HELLS: variants seen among roughly 807,000 people sequenced by gnomAD.
HELLS encodes helicase, lymphoid specific.
Under a neutral mutation model 120.0 loss-of-function variants are expected in HELLS, and 32 were observed. The ratio of observed to expected loss-of-function variants is 0.27; its 90% confidence interval spans 0.20 to 0.36. HELLS has a LOEUF of 0.36. Ranked by LOEUF, HELLS falls within the 10% of genes least tolerant of loss-of-function variation. The probability of loss-of-function intolerance (pLI) is 1.00; values close to 1 mark genes in which losing one functional copy is unlikely to be tolerated. For missense variants in HELLS, 650 were observed against 993.4 expected (o/e 0.65, Z 4.65); for synonymous variants, 341 against 323.4 (o/e 1.05, Z -0.58).
intron 3 of HELLS, among the ~76,000 whole-genome samples, chr10:94,557,614 T>G (rs891532622): frequency 2.0e-5 from 3 of 152,198 alleles, no homozygotes; most frequent in African/African-American, 7.2e-5. Context: ...TCCACCTGCT[T>G]CTTTCTGGTG....
At position 94,592,395 on chromosome 10, in the gene HELLS, G is replaced by A; in HGVS notation, c.1852G>A (p.Val618Met). 1 of 1,579,896 alleles carries A rather than the reference G, an allele frequency of 6.3e-7. No individual in the cohort carries two copies. The highest frequency in any genetic ancestry group is 8.6e-7 in the Non-Finnish European group (1 of 1,167,366). Reference protein sequence around the residue: ...LPELKKRGHKVLLFSQMTSML... With the variant: ...LPELKKRGHKMLLFSQMTSML... Reference sequence around the variant, plus strand: ...AATATTAAGATATGTTTAATTTCAGGTGCTGCTTTTTTCACAAATGACAAG... The same window carrying A: ...AATATTAAGATATGTTTAATTTCAGATGCTGCTTTTTTCACAAATGACAAG... The change falls in exon 17 of 22, where the codon GTG becomes ATG. Residue 618 changes from valine to methionine, a missense_variant and splice_region_variant. Val to Met is a conservative substitution (Grantham distance 21, BLOSUM62 1). Coordinates refer to ENST00000348459, the MANE Select transcript of HELLS (RefSeq NM_018063.5).
chr10:94,549,029 A>G (rs556600251), intron 2 of HELLS, among the ~76,000 whole-genome samples: 3 of 151,862 alleles, frequency 2.0e-5, no homozygotes, highest in Non-Finnish European at 4.4e-5. Context: ...CAATCTTAAT[A>G]TAAGTGTGTA....
chr10:94,568,729 T>A (rs1476803210), intron 6 of HELLS, among the ~76,000 whole-genome samples: 1 of 152,224 alleles, frequency 6.6e-6, no homozygotes, highest in Non-Finnish European at 1.5e-5. Flanking sequence ...TGAAAAGCTG[T>A]CACACAGATA....
chr10:94,595,001 G>A (rs567663204), intron 19 of HELLS, 147 bp downstream of exon 19: 177 of 589,722 alleles, frequency 3.0e-4, no homozygotes, highest in Non-Finnish European at 4.4e-4. Flanking sequence ...ATGCCAAGGT[G>A]AGTGGATCAC....
At position 94,546,397 on chromosome 10, in the gene HELLS, G is replaced by T; in HGVS notation, c.52G>T (p.Val18Phe). The T allele has an allele frequency of 1.9e-6, 3 of 1,614,158 alleles. No homozygotes were observed. The South Asian group carries it at 3.3e-5, about 18-fold the overall frequency. ...GTCAGGCTCGGAGGCTCCAGCAATGGTTGAACAACTGGACACTGCTGTGAT... is the reference window on the plus strand; with the variant it reads ...GTCAGGCTCGGAGGCTCCAGCAATGTTTGAACAACTGGACACTGCTGTGAT... Reference protein sequence around the residue: ...GSGGSEAPAMVEQLDTAVITP... With the variant: ...GSGGSEAPAMFEQLDTAVITP... The change falls in exon 2 of 22, where the codon GTT becomes TTT. Residue 18 changes from valine (V) to phenylalanine (F), a missense_variant. Physicochemically the swap from Val to Phe is conservative, Grantham distance 50. Transcript: ENST00000348459.
intron 12 of HELLS, among the ~76,000 whole-genome samples, chr10:94,583,774 A>T (rs747699080): frequency 5.5e-4 from 84 of 152,116 alleles, no homozygotes; most frequent in Non-Finnish European, 7.8e-4. Flanking sequence ...GTTCCTTAAG[A>T]TAGTCTTTTA....
intron 2 of HELLS, among the ~76,000 whole-genome samples, chr10:94,549,013 C>T (rs369159614): frequency 6.6e-6 from 1 of 151,926 alleles, no homozygotes; most frequent in Admixed American, 6.6e-5. Context: ...AGTATGTAGC[C>T]GTTTTCAATC....
rs1453921842 is a variant in HELLS at position 94,588,342 on chromosome 10, T to C, written c.1440T>C (p.Tyr480=). The change falls in exon 13 of 22, where the codon TAT becomes TAC. Residue 480 remains tyrosine, a synonymous_variant. Coordinates refer to ENST00000348459, the MANE Select transcript of HELLS (RefSeq NM_018063.5). ...TTTCAAAGAAGCAGGAGATCTTTTA[T>C]ACAGCCATTGTGAACCGTACAATTG... ...APLSKKQEIF[Y]TAIVNRTIAN... is the part of the protein sequence containing the mutation. The C allele has an allele frequency of 1.9e-6, 3 of 1,612,894 alleles. No individual in the cohort carries two copies. The highest frequency in any genetic ancestry group is 1.1e-5 in the South Asian group (1 of 90,758).
downstream of HELLS, among the ~76,000 whole-genome samples, chr10:94,604,654 C>T (rs889595488): frequency 2.6e-5 from 4 of 152,142 alleles, no homozygotes; most frequent in South Asian, 6.2e-4. Context: ...AAATAATGAT[C>T]CCTTACATCT....
At chr10:94,591,958 G>C (rs1348040873) in intron 15 of HELLS, among the ~76,000 whole-genome samples, 2 of 152,142 alleles carry the variant, frequency 1.3e-5, no homozygotes, top group Admixed American at 1.3e-4. Flanking sequence ...TGACATAATT[G>C]TTTTCTTTCA....
At chr10:94,562,398 C>G (rs148606492) in intron 4 of HELLS, among the ~76,000 whole-genome samples, 16 of 151,900 alleles carry the variant, frequency 1.1e-4, no homozygotes, top group Admixed American at 9.8e-4. Context: ...AGTGAAACTC[C>G]GTCTCCAAAA....
At chr10:94,600,858 G>A (rs914595439) in intron 21 of HELLS, among the ~76,000 whole-genome samples, 1 of 152,072 alleles carries the variant, frequency 6.6e-6, no homozygotes, top group Non-Finnish European at 1.5e-5. Context: ...TAAGACAGAT[G>A]ACACCATAAA....
Position 94,574,773 on chromosome 10 carries a change from A to G in HELLS, c.888+37A>G, listed in dbSNP as rs779086105. On this transcript the variant is annotated intron_variant, in intron 9 of 21. Transcript: ENST00000348459. ...TTCCTTATGTTAAAATTATAATTTTACATGTTTTCTTATGCTTTGTTGTAG... is the reference window on the plus strand; with the variant it reads ...TTCCTTATGTTAAAATTATAATTTTGCATGTTTTCTTATGCTTTGTTGTAG... 4 of 1,512,322 alleles carry G rather than the reference A, an allele frequency of 2.6e-6. 1 individual carries two copies. In the South Asian group the frequency reaches 3.6e-5, roughly 13 times the overall value. The allele number at this position is 1,512,322 out of a possible 1,614,324, so 93.7% of individuals were successfully genotyped here.
intron 18 of HELLS, among the ~76,000 whole-genome samples, 175 bp from the exon 19 acceptor site, chr10:94,594,520 T>C (rs1420626407): frequency 6.6e-6 from 1 of 152,308 alleles, no homozygotes; most frequent in African/African-American, 2.4e-5. Context: ...TTTGTTAATA[T>C]TGTCAAGGAT....
intron 2 of HELLS, among the ~76,000 whole-genome samples, chr10:94,551,290 G>GAGTCA (rs1426809540): frequency 7.2e-5 from 11 of 152,096 alleles, no homozygotes; most frequent in Non-Finnish European, 1.5e-4. Context: ...ATATTTTGAT[G>GAGTCA]CCGGGTACGG....
At chr10:94,607,094 A>G (rs951436788), downstream of HELLS, among the ~76,000 whole-genome samples, 13 of 152,144 alleles carry the variant, frequency 8.5e-5, no homozygotes, top group Non-Finnish European at 1.3e-4. Flanking sequence ...TACCCTGTCT[A>G]TATGTGGATT....
intron 21 of HELLS, among the ~76,000 whole-genome samples, chr10:94,600,532 GA>G (rs780627329): frequency 2.7e-4 from 41 of 152,144 alleles, no homozygotes; most frequent in Non-Finnish European, 5.0e-4. Context: ...CAACTTTCAC[GA>G]AAAGCTAATA....
At position 94,582,947 on chromosome 10, in the gene HELLS, C is replaced by A; in HGVS notation, c.1230-16C>A. The A allele has an allele frequency of 4.1e-6, 6 of 1,458,502 alleles. No homozygotes were observed. The highest frequency in any genetic ancestry group is 5.7e-6 in the Non-Finnish European group (6 of 1,054,284). The allele number at this position is 1,458,502 out of a possible 1,614,324, so 90.3% of individuals were successfully genotyped here. A position where few individuals can be genotyped will look rare whatever the true frequency, so the allele number is the denominator to read the frequency against. On this transcript the variant is annotated splice_polypyrimidine_tract_variant and intron_variant, in intron 11 of 21. Transcript: ENST00000348459. ...GAATTTATGTGATGGTTAACTTAAA[C>A]ATTTTTCTCTTCCAGCTTTGAGTCT...
chr10:94,582,607 A>G (rs1040654208), intron 11 of HELLS, among the ~76,000 whole-genome samples: 2 of 152,174 alleles, frequency 1.3e-5, no homozygotes, highest in Admixed American at 1.3e-4. Context: ...TGATGGAGAA[A>G]AATCATATGG....
Sources: gnomAD v4.1 joint callset for allele counts (sites outside exome capture counted in the v4.1 genomes callset) on GRCh38, gnomAD v4.1.1 for gene constraint, MANE v1.5 for transcripts, NCBI Gene and HGNC (gene_info 2026-07-23, HGNC 2026-07-21) for gene names.